Variants in FBXL5 observed in about 807,000 individuals in gnomAD.
FBXL5 encodes F-box and leucine rich repeat protein 5.
A neutral mutation model predicts 78.3 loss-of-function variants in FBXL5; 26 were observed. The observed-to-expected ratio is 0.33, with a 90% confidence interval of 0.24 to 0.46. The LOEUF is 0.46. Among genes scored for constraint, FBXL5 ranks in the 20% least tolerant of loss-of-function variants. FBXL5 has a pLI of 1.00. For synonymous variants in FBXL5, 295 were observed against 282.5 expected (o/e 1.04, Z -0.45); for missense variants, 710 against 829.2 (o/e 0.86, Z 1.77).
chr4:15,636,408 T>A, intron 5 of FBXL5, 86 bp downstream of exon 5: 1 of 1,074,424 alleles, frequency 9.3e-7, no homozygotes, highest in African/African-American at 1.7e-5. Context: ...CCTCTCAGAG[T>A]TTCTCTCTCT....
At chr4:15,620,008 G>A (rs1177096638) in intron 9 of FBXL5, among the ~76,000 whole-genome samples, 1 of 152,152 alleles carries the variant, frequency 6.6e-6, no homozygotes, top group Non-Finnish European at 1.5e-5. Context: ...GTCTAAGGCT[G>A]CAGCGAGCTA....
At chr4:15,611,513 G>T (rs1241131421) in intron 10 of FBXL5, among the ~76,000 whole-genome samples, 1 of 152,052 alleles carries the variant, frequency 6.6e-6, no homozygotes, top group Non-Finnish European at 1.5e-5. Flanking sequence ...AATAACAGAA[G>T]AGCAGCTTTT....
chr4:15,638,738 G>C, intron 3 of FBXL5, 44 bp from the exon 4 acceptor site: 1 of 1,247,202 alleles, frequency 8.0e-7, no homozygotes, highest in Non-Finnish European at 1.1e-6. Flanking sequence ...CTTCATTCGT[G>C]TTGATTTACT....
intron 1 of FBXL5, among the ~76,000 whole-genome samples, chr4:15,652,047 T>C (rs912535552): frequency 2.0e-5 from 3 of 152,206 alleles, no homozygotes; most frequent in African/African-American, 7.2e-5. Context: ...CATGTCACAT[T>C]GCCAACGTCT....
chr4:15,636,038 G>C (rs901576728), intron 5 of FBXL5, among the ~76,000 whole-genome samples: 1 of 151,432 alleles, frequency 6.6e-6, no homozygotes, highest in Non-Finnish European at 1.5e-5. Context: ...GAGCCATAAT[G>C]GTATATCACC....
At chr4:15,675,240 T>C (rs1300448382) in intron 1 of FBXL5, among the ~76,000 whole-genome samples, 1 of 152,236 alleles carries the variant, frequency 6.6e-6, no homozygotes, top group Non-Finnish European at 1.5e-5. Context: ...TAATTCATTT[T>C]CTTCAAATTA....
intron 5 of FBXL5, among the ~76,000 whole-genome samples, chr4:15,631,400 T>C (rs556182587): frequency 1.3e-5 from 2 of 152,334 alleles, no homozygotes; most frequent in South Asian, 2.1e-4. Flanking sequence ...GTCTTTATAG[T>C]AGCATAATTT....
In FBXL5 at chr4:15,605,419, T is replaced by C. The variant is rs368655281; in HGVS notation, c.*304A>G. 10 of 253,996 alleles carry C rather than the reference T, an allele frequency of 3.9e-5. No individual in the cohort carries two copies. In the East Asian group the frequency reaches 7.6e-4, roughly 19 times the overall value. 15.7% of individuals were successfully genotyped at this position (253,996 alleles called of 1,614,324 possible). A position where few individuals can be genotyped will look rare whatever the true frequency, so the allele number is the denominator to read the frequency against. On this transcript the variant is annotated 3_prime_UTR_variant, in exon 11 of 11. Coordinates refer to ENST00000341285, the MANE Select transcript of FBXL5 (RefSeq NM_012161.4). ...GGACTTTAAAACTCAAAATTATCTATGAAATACTTTAAATGACATGGCATT... is the reference window on the plus strand; with the variant it reads ...GGACTTTAAAACTCAAAATTATCTACGAAATACTTTAAATGACATGGCATT...
chr4:15,672,041 C>A (rs1717791677), intron 1 of FBXL5, among the ~76,000 whole-genome samples: 2 of 152,168 alleles, frequency 1.3e-5, no homozygotes, highest in Admixed American at 1.3e-4. Context: ...GTGGATTTTA[C>A]CTTTCTAGGT....
At position 15,625,612 on chromosome 4, in the gene FBXL5, C is replaced by T; in HGVS notation, c.1490G>A (p.Arg497Lys). ...LADIEDTVEW[R>K]HRNVESLCVM... ...ACAAAGACTTTCAACATTTCTATGT[C>T]TCCATTCCACAGTATCTTCAATATC... The change falls in exon 9 of 11, where the codon AGA (arginine) becomes AAA (lysine). Residue 497 changes from arginine (R) to lysine (K), a missense_variant. Physicochemically the swap from Arg to Lys is conservative, Grantham distance 26 (BLOSUM62 2). Transcript: ENST00000341285. The T allele has an allele frequency of 6.2e-7, 1 of 1,614,192 alleles. No individual in the cohort carries two copies. The highest frequency in any genetic ancestry group is 8.5e-7 in the Non-Finnish European group (1 of 1,180,036).
intron 9 of FBXL5, among the ~76,000 whole-genome samples, chr4:15,612,879 G>A (rs1265713841): frequency 6.6e-6 from 1 of 152,126 alleles, no homozygotes; most frequent in Non-Finnish European, 1.5e-5. Context: ...TTAAAACCAT[G>A]TTTACACAAA....
chr4:15,624,979 T>C (rs1004843467), intron 9 of FBXL5, among the ~76,000 whole-genome samples: 2 of 152,232 alleles, frequency 1.3e-5, no homozygotes, highest in East Asian at 3.8e-4. Context: ...CTAAAGTACC[T>C]TAAAATATGT....
intron 1 of FBXL5, among the ~76,000 whole-genome samples, chr4:15,651,051 T>C (rs1715973820): frequency 6.6e-6 from 1 of 152,210 alleles, no homozygotes; most frequent in Non-Finnish European, 1.5e-5. Flanking sequence ...CAAAAATAGA[T>C]AAGAAAACGG....
chr4:15,605,686 C>G lies in FBXL5; in HGVS notation c.*37G>C. ...TAAAGTGCATGAAAGAAAGCCTGCT[C>G]AGCTAAATGAAGTAGACAAAGATCA... On this transcript the variant is annotated 3_prime_UTR_variant, in exon 11 of 11. Transcript: ENST00000341285. 1 of 1,583,274 alleles carries G rather than the reference C, an allele frequency of 6.3e-7. No homozygotes were observed. The highest frequency in any genetic ancestry group is 8.7e-7 in the Non-Finnish European group (1 of 1,153,346).
At chr4:15,617,755 G>A (rs867971744) in intron 9 of FBXL5, among the ~76,000 whole-genome samples, 2 of 152,054 alleles carry the variant, frequency 1.3e-5, no homozygotes, top group African/African-American at 2.4e-5. Context: ...GCAGCTAAAC[G>A]ATCAGAACAC....
intron 1 of FBXL5, among the ~76,000 whole-genome samples, chr4:15,669,194 C>A (rs1281926278): frequency 6.6e-6 from 1 of 152,202 alleles, no homozygotes; most frequent in East Asian, 1.9e-4. Flanking sequence ...AGCATACTTA[C>A]ACAAACCCAG....
rs552061828 is a variant in FBXL5, at chr4:15,638,634, T to C, written c.457A>G (p.Lys153Glu). Reference sequence around the variant, plus strand: ...TGAGAGCAGTGTTGTGCAATCACTTTCTTTTTAATATCCTTAAGCTCTTCA... The same window carrying C: ...TGAGAGCAGTGTTGTGCAATCACTTCCTTTTTAATATCCTTAAGCTCTTCA... Reference protein sequence around the residue: ...TYEELKDIKKKVIAQHCSQKD... With the variant: ...TYEELKDIKKEVIAQHCSQKD... Residue 153 changes from lysine to glutamate, a missense_variant, in exon 4 of 11, where the codon AAA (lysine) becomes GAA (glutamate). This residue lies in a region of FBXL5 where 517 missense variants were observed against 542.9 expected (regional missense o/e 0.95). Coordinates refer to ENST00000341285, the MANE Select transcript of FBXL5 (RefSeq NM_012161.4). 2 of 1,613,626 alleles carry C rather than the reference T, an allele frequency of 1.2e-6. No homozygotes were observed. The highest frequency in any genetic ancestry group is 2.2e-5 in the East Asian group (1 of 44,856).
chr4:15,648,377 C>T (rs981304160), intron 1 of FBXL5, among the ~76,000 whole-genome samples: 1 of 152,066 alleles, frequency 6.6e-6, no homozygotes, highest in Non-Finnish European at 1.5e-5. Flanking sequence ...AATCCCATTC[C>T]TGAGTATATG....
intron 1 of FBXL5, among the ~76,000 whole-genome samples, chr4:15,646,535 C>T (rs1006640688): frequency 2.7e-5 from 4 of 150,502 alleles, no homozygotes; most frequent in Non-Finnish European, 5.9e-5. Flanking sequence ...ACCATTAATG[C>T]TAAATATTTT....
Sources: allele counts gnomAD v4.1 joint callset (sites outside exome capture counted in the v4.1 genomes callset), GRCh38; gene constraint gnomAD v4.1.1; regional missense constraint gnomAD v4.1.1; transcripts MANE v1.5; gene names NCBI Gene and HGNC (gene_info 2026-07-23, HGNC 2026-07-21).